PIK3CB: variants seen among roughly 807,000 people sequenced by gnomAD.
The protein encoded by PIK3CB is phosphatidylinositol 4,5-bisphosphate 3-kinase catalytic subunit beta isoform.
In PIK3CB, 39 loss-of-function variants were observed where a neutral mutation model predicts 136.8. The observed-to-expected ratio is 0.29, with a 90% CI of 0.22 to 0.37. PIK3CB has a LOEUF of 0.37. Ranked by LOEUF, PIK3CB falls within the 10% of genes least tolerant of loss-of-function variation. PIK3CB has a pLI of 1.00. For synonymous variants in PIK3CB, 428 were observed against 436.6 expected (o/e 0.98, Z 0.25); for missense variants, 868 against 1,275.4 (o/e 0.68, Z 4.87).
chr3:138,833,377 CTT>C (rs1413743749), intron 1 of PIK3CB, among the ~76,000 whole-genome samples: 2 of 152,094 alleles, frequency 1.3e-5, no homozygotes, highest in African/African-American at 4.8e-5. Context: ...AGAAAAAAGA[CTT>C]TACTTTCTTC....
chr3:138,795,244 C>A (rs550096078), intron 2 of PIK3CB, among the ~76,000 whole-genome samples: 2 of 149,584 alleles, frequency 1.3e-5, no homozygotes, highest in South Asian at 4.3e-4. Flanking sequence ...CACTTGAAAC[C>A]GGGAGGCGGA....
chr3:138,727,771 A>T (rs1361766007), intron 8 of PIK3CB, among the ~76,000 whole-genome samples: 1 of 152,202 alleles, frequency 6.6e-6, no homozygotes, highest in African/African-American at 2.4e-5. Flanking sequence ...GAAAGACAAA[A>T]ATTACCAAAA....
chr3:138,759,377 A>C lies in PIK3CB; in HGVS notation c.-16-18T>G. On this transcript the variant is annotated intron_variant, in intron 2 of 23. Transcript: ENST00000674063. ...ACGGGGCCCTAGAAATCAGTAATTA[A>C]AACATAGCAAAACAACCATCAGCCA... 6.4e-7 allele frequency: 1 copy of C among 1,552,716 alleles called. No homozygotes were observed. The highest frequency in any genetic ancestry group is 8.8e-7 in the Non-Finnish European group (1 of 1,137,498).
At chr3:138,784,703 T>C (rs936667884) in intron 2 of PIK3CB, among the ~76,000 whole-genome samples, 15 of 152,204 alleles carry the variant, frequency 9.9e-5, no homozygotes, top group Non-Finnish European at 2.2e-4. Context: ...GGTGCTGGGA[T>C]TGCAGACGGA....
chr3:138,734,696 T>C lies in PIK3CB; in HGVS notation c.910A>G (p.Ile304Val). 2 of 1,613,406 alleles carry C rather than the reference T, an allele frequency of 1.2e-6. No homozygotes were observed. Among genetic ancestry groups the C allele is most frequent in the African/African-American group, 1.3e-5 (1 of 75,020 alleles). Reference sequence around the variant, plus strand: ...GGAAGATTAGATGAATTTCGATTTATGGCAGCCTCTATGGCAATCATTTCT... The same window carrying C: ...GGAAGATTAGATGAATTTCGATTTACGGCAGCCTCTATGGCAATCATTTCT... ...EQEMIAIEAA[I>V]NRNSSNLPLP... Residue 304 changes from isoleucine (I) to valine (V), a missense_variant, in exon 7 of 24, where the codon ATA becomes GTA. Around this residue, in one of 4 missense-constraint regions of PIK3CB, gnomAD observed 612 missense variants for 801.1 expected, o/e 0.76. Coordinates refer to ENST00000674063, the MANE Select transcript of PIK3CB (RefSeq NM_006219.3).
chr3:138,803,663 A>C (rs1299281667), intron 1 of PIK3CB, among the ~76,000 whole-genome samples: 1 of 152,168 alleles, frequency 6.6e-6, no homozygotes, highest in Admixed American at 6.6e-5. Flanking sequence ...GACATGAAAG[A>C]AGCTCTTGGA....
At chr3:138,683,835 A>G (rs780582793) in intron 17 of PIK3CB, 48 bp from the exon 18 acceptor site, 1 of 957,554 alleles carries the variant, frequency 1.0e-6, no homozygotes, top group African/African-American at 1.6e-5. Flanking sequence ...AATGATACAG[A>G]AGATTATAAT....
At chr3:138,794,341 C>T (rs2046085717) in intron 2 of PIK3CB, among the ~76,000 whole-genome samples, 1 of 152,130 alleles carries the variant, frequency 6.6e-6, no homozygotes, top group Non-Finnish European at 1.5e-5. Flanking sequence ...AGATGAATTA[C>T]AGGTGCAGAG....
chr3:138,813,883 G>T (rs1226479560), intron 1 of PIK3CB, among the ~76,000 whole-genome samples: 2 of 152,130 alleles, frequency 1.3e-5, no homozygotes, highest in East Asian at 3.8e-4. Flanking sequence ...TAACAAAGGT[G>T]TAAGATACAC....
At chr3:138,705,940 C>T (rs1394191422) in intron 11 of PIK3CB, among the ~76,000 whole-genome samples, 4 of 152,158 alleles carry the variant, frequency 2.6e-5, no homozygotes, top group African/African-American at 9.7e-5. Context: ...TTTGTACAGA[C>T]AAGGGTCTCT....
chr3:138,757,015 A>G (rs1164398458), intron 3 of PIK3CB, among the ~76,000 whole-genome samples: 1 of 152,198 alleles, frequency 6.6e-6, no homozygotes, highest in Non-Finnish European at 1.5e-5. Context: ...AAATCAGTAC[A>G]GGTCTAGAAA....
Position 138,755,982 on chromosome 3 carries a change from A to G in PIK3CB, c.172-3T>C, listed in dbSNP as rs2108722439. On this transcript the variant is annotated splice_region_variant and splice_polypyrimidine_tract_variant and intron_variant, in intron 3 of 23. Transcript: ENST00000674063. ...TTGTGAACTTGCTTCCATAACATCT[A>G]TGAGAAAAAATAAGACATTTTCTGG... 1 of 1,523,804 alleles carries G rather than the reference A, an allele frequency of 6.6e-7. No homozygotes were observed. Among genetic ancestry groups the G allele is most frequent in the South Asian group, 1.1e-5 (1 of 88,228 alleles). 94.4% of individuals were successfully genotyped at this position (1,523,804 alleles called of 1,614,324 possible). A position where few individuals can be genotyped will look rare whatever the true frequency, so the allele number is the denominator to read the frequency against.
At chr3:138,656,359 A>G in intron 22 of PIK3CB, 85 bp from the exon 23 acceptor site, 3 of 1,398,174 alleles carry the variant, frequency 2.1e-6, no homozygotes, top group Non-Finnish European at 3.0e-6. Context: ...AAACACAGCT[A>G]GACTTTCTAT....
intron 2 of PIK3CB, among the ~76,000 whole-genome samples, chr3:138,768,553 C>G (rs2045762486): frequency 1.3e-5 from 2 of 152,226 alleles, no homozygotes; most frequent in Non-Finnish European, 2.9e-5. Flanking sequence ...CCTTCAGACC[C>G]TCCCTGGCCT....
At chr3:138,752,119 CTGAG>C (rs1335893130) in intron 4 of PIK3CB, among the ~76,000 whole-genome samples, 1 of 151,784 alleles carries the variant, frequency 6.6e-6, no homozygotes, top group Non-Finnish European at 1.5e-5. Context: ...GATTCTTTTA[CTGAG>C]TGTTTGGAGA....
At chr3:138,696,192 T>G (rs1461836475) in intron 13 of PIK3CB, among the ~76,000 whole-genome samples, 1 of 151,578 alleles carries the variant, frequency 6.6e-6, no homozygotes, top group African/African-American at 2.4e-5. Context: ...TTTTTTTTTT[T>G]TTTTGTAAGA....
chr3:138,655,208 A>T lies in PIK3CB; in HGVS notation c.*181T>A. 1 of 596,922 alleles carries T rather than the reference A, an allele frequency of 1.7e-6. No individual in the cohort carries two copies. Among genetic ancestry groups the T allele is most frequent in the Non-Finnish European group, 2.9e-6 (1 of 340,642 alleles). 37.0% of individuals were successfully genotyped at this position (596,922 alleles called of 1,614,324 possible). ...AGTCTTGGAAGCATTCAAAAAGCAG[A>T]GGGAATCATCGGGGATTGTTCAGAT... On this transcript the variant is annotated 3_prime_UTR_variant, in exon 24 of 24. Coordinates refer to ENST00000674063, the MANE Select transcript of PIK3CB (RefSeq NM_006219.3).
At chr3:138,741,791 G>A (rs977764143) in intron 5 of PIK3CB, among the ~76,000 whole-genome samples, 3 of 150,898 alleles carry the variant, frequency 2.0e-5, no homozygotes, top group Non-Finnish European at 4.4e-5. Flanking sequence ...TTGCGCCATC[G>A]CACTCCAGCC....
chr3:138,715,022 A>T (rs993996688), intron 8 of PIK3CB, among the ~76,000 whole-genome samples: 1 of 152,188 alleles, frequency 6.6e-6, no homozygotes, highest in Non-Finnish European at 1.5e-5. Flanking sequence ...CAATGGTTTA[A>T]ACAGGTCTAA....
Sources: allele counts gnomAD v4.1 joint callset (sites outside exome capture counted in the v4.1 genomes callset), GRCh38; gene constraint gnomAD v4.1.1; regional missense constraint gnomAD v4.1.1; transcripts MANE v1.5; gene names NCBI Gene and HGNC (gene_info 2026-07-23, HGNC 2026-07-21).